The following NEK11 variants were observed in gnomAD, a reference collection of about 807,000 sequenced individuals.
NEK11 encodes the protein NIMA related kinase 11.
In NEK11, 72 loss-of-function variants were observed where a neutral mutation model predicts 80.7. The ratio of observed to expected loss-of-function variants is 0.89; its 90% CI spans 0.74 to 1.08. NEK11 has a LOEUF of 1.08. NEK11 is among the 50% of genes least tolerant of loss of function. The pLI is 0.00. For missense variants in NEK11, 764 were observed against 763.6 expected, an observed-to-expected ratio of 1.00 and a Z score of -0.01; for synonymous variants, 251 against 260.7, an observed-to-expected ratio of 0.96 and a Z score of 0.36.
At chr3:131,113,260 A>G (rs1008951434) in intron 5 of NEK11, among the ~76,000 whole-genome samples, 1 of 152,014 alleles carries the variant, frequency 6.6e-6, no homozygotes. Context: ...TATGCTGGGT[A>G]GAATATGGAG....
At position 131,314,236 on chromosome 3, in the gene NEK11, G is replaced by A. The variant is rs908251917; in HGVS notation, c.1719-35321G>A. Among the ~76,000 whole-genome samples, 6 of 151,946 alleles carry A rather than the reference G, an allele frequency of 3.9e-5. No homozygotes were observed. In the South Asian group the frequency reaches 6.2e-4, roughly 16 times the overall value. On this transcript the variant is annotated intron_variant, in intron 17 of 17. Coordinates refer to ENST00000383366, the MANE Select transcript of NEK11 (RefSeq NM_024800.5). ...TTATCTTCTGTGCTGTTACAGCATC[G>A]ACAGCAGGAGCTGGAGGTGGAAACT...
At chr3:131,148,613 C>A (rs1462301990) in intron 7 of NEK11, among the ~76,000 whole-genome samples, 1 of 151,768 alleles carries the variant, frequency 6.6e-6, no homozygotes, top group Admixed American at 6.6e-5. Flanking sequence ...AATACAGGGT[C>A]CTTATAAGGA....
intron 17 of NEK11, among the ~76,000 whole-genome samples, chr3:131,345,026 CTGATT>C (rs766791825): frequency 3.3e-5 from 5 of 152,244 alleles, no homozygotes; most frequent in South Asian, 2.1e-4. Context: ...ACTTTTATTT[CTGATT>C]TGATTTATTA....
intron 17 of NEK11, among the ~76,000 whole-genome samples, chr3:131,338,592 C>G (rs2097234331): frequency 6.6e-6 from 1 of 152,026 alleles, no homozygotes; most frequent in African/African-American, 2.4e-5. Context: ...AGGAACAACC[C>G]AAATATTGGT....
Position 131,040,309 on chromosome 3 carries a change from A to AC in NEK11, c.170+10432dup, listed in dbSNP as rs559531304. 5.0e-3 allele frequency among the ~76,000 whole-genome samples: 753 copies of AC among 152,042 alleles called. 1 individual carries two copies. The highest frequency in any genetic ancestry group is 7.6e-3 in the Non-Finnish European group (516 of 67,948). On this transcript the variant is annotated intron_variant, in intron 3 of 17. Transcript: ENST00000383366. Reference sequence around the variant, plus strand: ...TTTGGGTAGTTATATGAAAAAAAAAACACCCAAAGTTTTAGTTATTAAGAA... The same window carrying AC: ...TTTGGGTAGTTATATGAAAAAAAAAACCACCCAAAGTTTTAGTTATTAAGAA...
intron 11 of NEK11, among the ~76,000 whole-genome samples, chr3:131,163,418 A>G (rs912244073): frequency 5.3e-5 from 8 of 152,238 alleles, no homozygotes; most frequent in Non-Finnish European, 8.8e-5. Flanking sequence ...CTTAAAAAAG[A>G]AGGGAATCCC....
At chr3:131,303,998 G>T (rs961401495) in intron 17 of NEK11, among the ~76,000 whole-genome samples, 1 of 152,168 alleles carries the variant, frequency 6.6e-6, no homozygotes, top group Non-Finnish European at 1.5e-5. Context: ...GTGAGTCATA[G>T]ATTTGGTCTC....
At chr3:131,323,634 T>A (rs2109804009) in intron 17 of NEK11, among the ~76,000 whole-genome samples, 1 of 152,222 alleles carries the variant, frequency 6.6e-6, no homozygotes, top group Non-Finnish European at 1.5e-5. Flanking sequence ...TTCGTGAAAA[T>A]CAATTTTTAT....
intron 7 of NEK11, among the ~76,000 whole-genome samples, chr3:131,135,313 C>T (rs747240594): frequency 3.3e-5 from 5 of 152,036 alleles, no homozygotes; most frequent in Non-Finnish European, 7.4e-5. Context: ...CTTACTTCTG[C>T]CCTGGAGGTC....
At chr3:131,286,505 T>C (rs1041388760) in intron 17 of NEK11, among the ~76,000 whole-genome samples, 1 of 152,246 alleles carries the variant, frequency 6.6e-6, no homozygotes, top group Non-Finnish European at 1.5e-5. Context: ...CAATTAAGCA[T>C]GTTTTATGAT....
intron 16 of NEK11, among the ~76,000 whole-genome samples, chr3:131,268,097 G>T (rs11921126): frequency 6.6e-6 from 1 of 151,986 alleles, no homozygotes; most frequent in South Asian, 2.1e-4. Flanking sequence ...CAAAGTTCTC[G>T]TGCTGTGTTT....
At chr3:131,267,663 C>T (rs2096086928) in intron 16 of NEK11, among the ~76,000 whole-genome samples, 1 of 151,810 alleles carries the variant, frequency 6.6e-6, no homozygotes, top group Admixed American at 6.6e-5. Flanking sequence ...ATGGGCTTCC[C>T]TTTGTGGGTA....
chr3:131,220,206 G>A (rs2094972000), intron 14 of NEK11, among the ~76,000 whole-genome samples: 1 of 152,092 alleles, frequency 6.6e-6, no homozygotes, highest in Non-Finnish European at 1.5e-5. Flanking sequence ...TCAGCACAAT[G>A]CCTATGTCTG....
intron 14 of NEK11, among the ~76,000 whole-genome samples, chr3:131,219,986 T>G (rs973914349): frequency 2.6e-5 from 4 of 152,236 alleles, no homozygotes; most frequent in Non-Finnish European, 5.9e-5. Flanking sequence ...AGAATTTGAT[T>G]GCCATCTGAC....
intron 17 of NEK11, among the ~76,000 whole-genome samples, chr3:131,326,509 C>G (rs2096968757): frequency 6.6e-6 from 1 of 152,198 alleles, no homozygotes; most frequent in South Asian, 2.1e-4. Context: ...ATGCCCTTCT[C>G]CCAAGTCTTG....
intron 14 of NEK11, among the ~76,000 whole-genome samples, chr3:131,175,688 A>T (rs534658238): frequency 5.3e-4 from 81 of 152,314 alleles, no homozygotes; most frequent in African/African-American, 1.9e-3. Flanking sequence ...GGTGATGGCT[A>T]CCCAGATGTG....
At chr3:131,316,937 C>T (rs1366106696) in intron 17 of NEK11, among the ~76,000 whole-genome samples, 1 of 152,170 alleles carries the variant, frequency 6.6e-6, no homozygotes, top group Non-Finnish European at 1.5e-5. Flanking sequence ...GAATGTAACA[C>T]TTCAAAAACT....
rs2091730192 is a variant in NEK11 at position 131,162,455 on chromosome 3, A to G, written c.1010A>G (p.Gln337Arg). Residue 337 changes from glutamine to arginine, a missense_variant, in exon 11 of 18, where the codon CAG becomes CGG. Coordinates refer to ENST00000383366, the MANE Select transcript of NEK11 (RefSeq NM_024800.5). ...ACTCTGAGGGCACTGTCAGAAGTAC[A>G]GAAAATGACGCCAAGAGAAAGGATG... ...LQTLRALSEV[Q>R]KMTPRERMRL... The G allele has an allele frequency of 3.1e-6, 5 of 1,614,174 alleles. No homozygotes were observed. The East Asian group carries it at 6.7e-5, about 22-fold the overall frequency.
At chr3:131,195,820 A>ATATATATATATATATATAT (rs1553929089) in intron 14 of NEK11, among the ~76,000 whole-genome samples, 12 of 143,494 alleles carry the variant, frequency 8.4e-5, no homozygotes, top group African/African-American at 3.0e-4. Flanking sequence ...ATATATATAT[A>ATATATATATATATATATAT]AAATTGAAGA....
Sources: gnomAD v4.1 joint callset for allele counts (sites outside exome capture counted in the v4.1 genomes callset) on GRCh38, gnomAD v4.1.1 for gene constraint, MANE v1.5 for transcripts, NCBI Gene and HGNC (gene_info 2026-07-23, HGNC 2026-07-21) for gene names.